FAM53B: variants seen among roughly 807,000 people sequenced by gnomAD.
FAM53B encodes the protein protein FAM53B.
A neutral mutation model predicts 32.7 loss-of-function variants in FAM53B; 12 were observed. That is an observed-to-expected ratio of 0.37 (90% CI 0.24 to 0.59). The LOEUF (loss-of-function observed/expected upper bound fraction) is 0.59. FAM53B is among the 20% of genes least tolerant of loss of function. The pLI is 0.72. For missense variants in FAM53B, 477 were observed against 577.7 expected, an observed-to-expected ratio of 0.83 and a Z score of 1.79; for synonymous variants, 234 against 228.7, an observed-to-expected ratio of 1.02 and a Z score of -0.21.
Position 124,623,128 on chromosome 10 carries a change from C to A in FAM53B, c.*114G>T. 1 of 1,378,786 alleles carries A rather than the reference C, an allele frequency of 7.3e-7. No homozygotes were observed. The highest frequency in any genetic ancestry group is 9.8e-7 in the Non-Finnish European group (1 of 1,023,044). The allele number at this position is 1,378,786 out of a possible 1,614,324, so 85.4% of individuals were successfully genotyped here. On this transcript the variant is annotated 3_prime_UTR_variant, in exon 5 of 5. Coordinates refer to ENST00000337318, the MANE Select transcript of FAM53B (RefSeq NM_014661.4). ...TCCCTCTCTGGGACCCGACACCACT[C>A]AGGAAGCTTTCATCAGGCCCACGAG... is the stretch of plus-strand genomic sequence containing the variant.
At position 124,737,224 on chromosome 10, in the gene FAM53B, C is replaced by T. The variant is rs150019040; in HGVS notation, c.-175+6789G>A. ...AATAGCAATTCTCCTCTTCTCCCTT[C>T]ACTCGGCCCAAACCCAACTCCCCAC... On this transcript the variant is annotated intron_variant, in intron 1 of 4. Coordinates refer to ENST00000337318, the MANE Select transcript of FAM53B (RefSeq NM_014661.4). 3.2e-4 allele frequency among the ~76,000 whole-genome samples: 49 copies of T among 152,366 alleles called. No individual in the cohort carries two copies. In the East Asian group the frequency reaches 7.5e-3, roughly 23 times the overall value.
intron 4 of FAM53B, among the ~76,000 whole-genome samples, chr10:124,656,488 C>G (rs529674998): frequency 6.6e-6 from 1 of 152,358 alleles, no homozygotes; most frequent in South Asian, 2.1e-4. Context: ...TAGTAGGGCA[C>G]TGCTCCATCA....
intron 4 of FAM53B, among the ~76,000 whole-genome samples, chr10:124,645,888 G>T (rs989130364): frequency 6.6e-6 from 1 of 152,120 alleles, no homozygotes; most frequent in Non-Finnish European, 1.5e-5. Context: ...CAGGTAACAG[G>T]ATGCCCTGCC....
intron 1 of FAM53B, among the ~76,000 whole-genome samples, chr10:124,726,407 C>G (rs1242865553): frequency 1.3e-5 from 2 of 152,194 alleles, no homozygotes; most frequent in African/African-American, 2.4e-5. Context: ...ATCGTCAGAG[C>G]CTTGGCCTAG....
intron 2 of FAM53B, among the ~76,000 whole-genome samples, chr10:124,697,893 G>C (rs1040183778): frequency 6.6e-6 from 1 of 152,040 alleles, no homozygotes; most frequent in Non-Finnish European, 1.5e-5. Context: ...TATCTGGGAA[G>C]AATTCAAAAT....
chr10:124,731,335 G>A (rs1950141418), intron 1 of FAM53B, among the ~76,000 whole-genome samples: 1 of 152,176 alleles, frequency 6.6e-6, no homozygotes, highest in Non-Finnish European at 1.5e-5. Flanking sequence ...GTCCACAGAT[G>A]AGAAAATCAC....
At chr10:124,694,313 G>C (rs935245820) in intron 3 of FAM53B, among the ~76,000 whole-genome samples, 9 of 152,240 alleles carry the variant, frequency 5.9e-5, no homozygotes, top group Non-Finnish European at 8.8e-5. Context: ...GGCCTCCCCG[G>C]TAGAAAGCAG....
intron 4 of FAM53B, among the ~76,000 whole-genome samples, chr10:124,625,631 G>A (rs1015714893): frequency 2.6e-5 from 4 of 152,234 alleles, no homozygotes; most frequent in South Asian, 2.1e-4. Flanking sequence ...CTCCCAAAGC[G>A]AACCTGCCGC....
intron 4 of FAM53B, among the ~76,000 whole-genome samples, chr10:124,634,253 G>A (rs1016729487): frequency 1.2e-4 from 18 of 152,322 alleles, no homozygotes; most frequent in East Asian, 5.8e-4. Flanking sequence ...TACATGCTAC[G>A]GTGTGGATGA....
intron 4 of FAM53B, among the ~76,000 whole-genome samples, chr10:124,634,560 C>A (rs190356832): frequency 6.6e-6 from 1 of 152,218 alleles, no homozygotes; most frequent in Non-Finnish European, 1.5e-5. Flanking sequence ...TCTCACCTGC[C>A]GCCATGTGAA....
chr10:124,623,146 C>T lies in FAM53B; in HGVS notation c.*96G>A. The T allele has an allele frequency of 1.4e-6, 2 of 1,445,780 alleles. No individual in the cohort carries two copies. Among genetic ancestry groups the T allele is most frequent in the African/African-American group, 1.4e-5 (1 of 69,784 alleles). The allele number at this position is 1,445,780 out of a possible 1,614,324, so 89.6% of individuals were successfully genotyped here. ...CACCACTCAGGAAGCTTTCATCAGG[C>T]CCACGAGTTGGGCTCCCCTTCAAGG... On this transcript the variant is annotated 3_prime_UTR_variant, in exon 5 of 5. Coordinates refer to ENST00000337318, the MANE Select transcript of FAM53B (RefSeq NM_014661.4).
Position 124,712,004 on chromosome 10 carries a change from G to A in FAM53B, c.-174-5117C>T, listed in dbSNP as rs576761129. On this transcript the variant is annotated intron_variant, in intron 1 of 4. Transcript: ENST00000337318. The stretch of plus-strand genomic sequence containing the variant: ...GAGCCCAGGAGTTTGAAGTTGAAAT[G>A]AGCTATGATCATGCTACTGCACTCC... Among the ~76,000 whole-genome samples, 9 of 152,298 alleles carry A rather than the reference G, an allele frequency of 5.9e-5. No individual in the cohort carries two copies. The South Asian group carries it at 8.3e-4, about 14-fold the overall frequency.
At chr10:124,673,535 G>A (rs1311339950) in intron 4 of FAM53B, among the ~76,000 whole-genome samples, 3 of 152,194 alleles carry the variant, frequency 2.0e-5, no homozygotes, top group African/African-American at 4.8e-5. Flanking sequence ...ATTGGCAGGC[G>A]GGGACACCAT....
At position 124,623,226 on chromosome 10, in the gene FAM53B, C is replaced by T; in HGVS notation, c.*16G>A. The T allele has an allele frequency of 6.4e-7, 1 of 1,570,796 alleles. No individual in the cohort carries two copies. Among genetic ancestry groups the T allele is most frequent in the Non-Finnish European group, 8.6e-7 (1 of 1,156,764 alleles). ...CGATGCCAGCACACCCCAGCCCTGC[C>T]TGGGCCCACACCCCCTCAGTTCTTC... is the stretch of plus-strand genomic sequence containing the variant. On this transcript the variant is annotated 3_prime_UTR_variant, in exon 5 of 5. Transcript: ENST00000337318.
intron 3 of FAM53B, among the ~76,000 whole-genome samples, chr10:124,684,414 C>T (rs927336893): frequency 2.6e-5 from 4 of 152,228 alleles, no homozygotes; most frequent in African/African-American, 9.6e-5. Flanking sequence ...TTCAAACATG[C>T]TTCACCACCA....
intron 1 of FAM53B, among the ~76,000 whole-genome samples, chr10:124,738,629 G>A (rs568427718): frequency 2.2e-4 from 34 of 151,672 alleles, no homozygotes; most frequent in African/African-American, 7.5e-4. Context: ...ATGCAGGGCC[G>A]CTGCCCAGCC....
rs563783710 is a variant in FAM53B at position 124,675,997 on chromosome 10, C to T, written c.906+5610G>A. 7.0e-4 allele frequency among the ~76,000 whole-genome samples: 107 copies of T among 152,298 alleles called. 3 individuals are homozygous for T. The South Asian group carries it at 0.022, about 31-fold the overall frequency. On this transcript the variant is annotated intron_variant, in intron 4 of 4. Coordinates refer to ENST00000337318, the MANE Select transcript of FAM53B (RefSeq NM_014661.4). ...CACTAAGTTCACCTGAAAAGGCTGC[C>T]GTGATTGATTAGCAATGTCTGTCAA...
At chr10:124,690,689 GGAA>G (rs1304474512) in intron 3 of FAM53B, among the ~76,000 whole-genome samples, 2 of 152,028 alleles carry the variant, frequency 1.3e-5, no homozygotes, top group African/African-American at 4.8e-5. Context: ...AATGGTACAA[GGAA>G]GAATTTACAT....
In FAM53B at chr10:124,623,475, C is replaced by G; in HGVS notation, c.1036G>C (p.Gly346Arg). 6.3e-7 allele frequency: 1 copy of G among 1,586,696 alleles called. No homozygotes were observed. Among genetic ancestry groups the G allele is most frequent in the Non-Finnish European group, 8.6e-7 (1 of 1,167,582 alleles). The change falls in exon 5 of 5, where the codon GGG becomes CGG. Residue 346 changes from glycine to arginine, a missense_variant. This residue lies in a region of FAM53B where 165 missense variants were observed against 157.5 expected (regional missense o/e 1.05). Coordinates refer to ENST00000337318, the MANE Select transcript of FAM53B (RefSeq NM_014661.4). Reference protein sequence around the residue: ...WTALLSASGPGGRTPAGTPVP... With the variant: ...WTALLSASGPRGRTPAGTPVP... ...GGGGTCCCAGCGGGGGTCCTGCCCC[C>G]TGGGCCGGAGGCTGAGAGCAGGGCG... is the stretch of plus-strand genomic sequence containing the variant.
Sources: gnomAD v4.1 joint callset for allele counts (sites outside exome capture counted in the v4.1 genomes callset) on GRCh38, gnomAD v4.1.1 for gene constraint, gnomAD v4.1.1 regional missense constraint, MANE v1.5 for transcripts, NCBI Gene and HGNC (gene_info 2026-07-23, HGNC 2026-07-21) for gene names.